Variants in PCBP3 observed in about 807,000 individuals in gnomAD.
The protein encoded by PCBP3 is poly(rC)-binding protein 3.
A neutral mutation model predicts 52.7 loss-of-function variants in PCBP3; 25 were observed. The ratio of observed to expected loss-of-function variants is 0.47; its 90% CI spans 0.35 to 0.66. PCBP3 has a LOEUF of 0.66. PCBP3 is among the 30% of genes least tolerant of loss of function. The pLI, the probability that PCBP3 is intolerant of heterozygous loss-of-function variation, is 0.01. For synonymous variants in PCBP3, 162 were observed against 183.0 expected, an observed-to-expected ratio of 0.89 and a Z score of 0.93; for missense variants, 391 against 490.3, an observed-to-expected ratio of 0.80 and a Z score of 1.91.
At chr21:45,814,117 C>T (rs1403996758) in intron 4 of PCBP3, among the ~76,000 whole-genome samples, 3 of 152,194 alleles carry the variant, frequency 2.0e-5, no homozygotes, top group African/African-American at 7.2e-5. Context: ...ATACTGTACG[C>T]AGTTGTGACA....
chr21:45,645,301 T>G (rs2079184146), intron 1 of PCBP3, among the ~76,000 whole-genome samples: 1 of 152,216 alleles, frequency 6.6e-6, no homozygotes, highest in African/African-American at 2.4e-5. Context: ...TTACGAATGG[T>G]TTAGAACTTA....
At chr21:45,745,890 C>T (rs28583990) in intron 3 of PCBP3, among the ~76,000 whole-genome samples, 25,443 of 151,738 alleles carry the variant, frequency 0.17, 2,244 homozygotes, top group Middle Eastern at 0.3. Context: ...AGGCAGACAG[C>T]GCCACACGGT....
At chr21:45,903,466 C>T (rs1347237838) in intron 9 of PCBP3, among the ~76,000 whole-genome samples, 2 of 151,932 alleles carry the variant, frequency 1.3e-5, no homozygotes, top group East Asian at 1.9e-4. Context: ...CCCCAGGGTC[C>T]CATTTGATGA....
At chr21:45,888,261 A>G (rs1461493194) in intron 5 of PCBP3, among the ~76,000 whole-genome samples, 1 of 152,188 alleles carries the variant, frequency 6.6e-6, no homozygotes, top group African/African-American at 2.4e-5. Context: ...CACCTTGCTT[A>G]CCTGTTTTTC....
chr21:45,924,855 A>C (rs2075132748), intron 13 of PCBP3, among the ~76,000 whole-genome samples: 1 of 43,660 alleles, frequency 2.3e-5, no homozygotes, highest in Non-Finnish European at 4.3e-5. Flanking sequence ...TAGAAACAGC[A>C]CACGTAAGAT....
chr21:45,905,956 G>T (rs2096193165), intron 9 of PCBP3, among the ~76,000 whole-genome samples: 1 of 152,226 alleles, frequency 6.6e-6, no homozygotes, highest in South Asian at 2.1e-4. Context: ...GCTGCAGGTA[G>T]GTGGGGTCCT....
chr21:45,896,869 C>T (rs1427090026), intron 6 of PCBP3, among the ~76,000 whole-genome samples: 7 of 141,392 alleles, frequency 5.0e-5, no homozygotes, highest in Admixed American at 4.9e-4. Flanking sequence ...GTAGGAAAGG[C>T]GGCCGCGGCA....
At chr21:45,850,360 GCTCT>G (rs1261693505) in intron 5 of PCBP3, among the ~76,000 whole-genome samples, 5 of 152,158 alleles carry the variant, frequency 3.3e-5, no homozygotes, top group African/African-American at 9.7e-5. Flanking sequence ...CAGCCTTCCA[GCTCT>G]CCCCTGGAGC....
chr21:45,900,953 A>G, intron 8 of PCBP3, 44 bp from the exon 9 acceptor site: 5 of 1,439,198 alleles, frequency 3.5e-6, no homozygotes, highest in African/African-American at 1.4e-5. Context: ...CACTGGCCCA[A>G]GGGTTTTAAT....
chr21:45,809,383 A>G (rs1385015805), intron 4 of PCBP3, among the ~76,000 whole-genome samples: 1 of 152,196 alleles, frequency 6.6e-6, no homozygotes, highest in Non-Finnish European at 1.5e-5. Flanking sequence ...TAAAGAGAGC[A>G]TGTTGAGTAC....
At chr21:45,909,329 T>G in intron 9 of PCBP3, 26 bp from the exon 10 acceptor site, 1 of 1,606,244 alleles carries the variant, frequency 6.2e-7, no homozygotes, top group Non-Finnish European at 8.5e-7. Context: ...CCTGAAGTGC[T>G]GCCAACACAC....
At chr21:45,711,711 A>G (rs1182443992) in intron 2 of PCBP3, among the ~76,000 whole-genome samples, 3 of 152,236 alleles carry the variant, frequency 2.0e-5, no homozygotes, top group Non-Finnish European at 2.9e-5. Context: ...GTTGTTTAAT[A>G]TATTTTTAAT....
At chr21:45,866,391 A>G (rs1228961324) in intron 5 of PCBP3, among the ~76,000 whole-genome samples, 1 of 152,232 alleles carries the variant, frequency 6.6e-6, no homozygotes, top group Non-Finnish European at 1.5e-5. Context: ...GGCCTGCCCC[A>G]TCTGCCCTGA....
intron 4 of PCBP3, among the ~76,000 whole-genome samples, chr21:45,809,252 T>A (rs1245849694): frequency 6.6e-6 from 1 of 152,212 alleles, no homozygotes; most frequent in Non-Finnish European, 1.5e-5. Context: ...CACAATTATA[T>A]AAATATTGGA....
chr21:45,883,712 G>T (rs1308788338), intron 5 of PCBP3, among the ~76,000 whole-genome samples: 2 of 151,800 alleles, frequency 1.3e-5, no homozygotes, highest in East Asian at 3.9e-4. Context: ...GCTTTCTTTT[G>T]ATTAATGGTT....
chr21:45,938,243 G>A (rs1346651718), intron 16 of PCBP3, among the ~76,000 whole-genome samples: 1 of 151,772 alleles, frequency 6.6e-6, no homozygotes, highest in South Asian at 2.1e-4. Flanking sequence ...GTGCGCTTCA[G>A]CAGACACCAC....
At chr21:45,808,419 G>A (rs1382615216) in intron 4 of PCBP3, among the ~76,000 whole-genome samples, 3 of 152,036 alleles carry the variant, frequency 2.0e-5, no homozygotes, top group Non-Finnish European at 4.4e-5. Context: ...ACATTTATGC[G>A]GCCAAAAAAC....
intron 4 of PCBP3, among the ~76,000 whole-genome samples, chr21:45,811,789 C>T (rs993451543): frequency 3.9e-5 from 6 of 152,132 alleles, no homozygotes; most frequent in African/African-American, 1.2e-4. Context: ...TGCTTTGAGT[C>T]GTGCTTTTGT....
chr21:45,786,301 T>A (rs1603426158), intron 4 of PCBP3, among the ~76,000 whole-genome samples: 2 of 137,942 alleles, frequency 1.4e-5, no homozygotes, highest in South Asian at 4.7e-4. Context: ...TTTTTTTTTT[T>A]CTTTTTGAGA....
Sources: allele counts gnomAD v4.1 joint callset (sites outside exome capture counted in the v4.1 genomes callset), GRCh38; gene constraint gnomAD v4.1.1; transcripts MANE v1.5; gene names NCBI Gene and HGNC (gene_info 2026-07-23, HGNC 2026-07-21).